Variants in ST18 observed in about 807,000 individuals in gnomAD.
The protein encoded by ST18 is suppression of tumorigenicity 18 protein.
ST18 carries 50 observed loss-of-function variants against 110.0 expected under a neutral mutation model. That is an observed-to-expected ratio of 0.45 (90% CI 0.36 to 0.58). ST18 has a LOEUF of 0.58. Among genes scored for constraint, ST18 ranks in the 20% least tolerant of loss-of-function variants. The pLI is 0.00. For synonymous variants in ST18, 461 were observed against 452.4 expected, an observed-to-expected ratio of 1.02 and a Z score of -0.24; for missense variants, 1,306 against 1,280.1, an observed-to-expected ratio of 1.02 and a Z score of -0.31.
chr8:52,265,635 C>A (rs960249715), intron 2 of ST18, among the ~76,000 whole-genome samples: 1 of 152,108 alleles, frequency 6.6e-6, no homozygotes, highest in African/African-American at 2.4e-5. Flanking sequence ...AGAAATACTT[C>A]TTTTTTGGGA....
At chr8:52,211,239 G>A (rs374729565) in intron 8 of ST18, among the ~76,000 whole-genome samples, 1 of 151,990 alleles carries the variant, frequency 6.6e-6, no homozygotes, top group African/African-American at 2.4e-5. Context: ...CTGTTAAGGT[G>A]GAATTTTCAC....
At chr8:52,350,773 T>A (rs1369147211) in intron 2 of ST18, among the ~76,000 whole-genome samples, 1 of 151,902 alleles carries the variant, frequency 6.6e-6, no homozygotes, top group Non-Finnish European at 1.5e-5. Flanking sequence ...CAGGCTGAAG[T>A]GCAGTGGCCC....
intron 2 of ST18, among the ~76,000 whole-genome samples, chr8:52,238,645 A>T (rs1194121407): frequency 6.6e-6 from 1 of 152,180 alleles, no homozygotes; most frequent in African/African-American, 2.4e-5. Flanking sequence ...ACACATGTGC[A>T]CATACATATA....
Position 52,133,236 on chromosome 8 carries a change from T to TTCTTATTTCTATAAGATCCC in ST18, c.2363+2_2363+3insGGGATCTTATAGAAATAAGA. 1 of 1,614,180 alleles carries TTCTTATTTCTATAAGATCCC rather than the reference T, an allele frequency of 6.2e-7. No homozygotes were observed. Among genetic ancestry groups the TTCTTATTTCTATAAGATCCC allele is most frequent in the South Asian group, 1.1e-5 (1 of 91,080 alleles). ...CACATCTCAGAAATAAGATCAATCC[T>TTCTTATTTCTATAAGATCCC]ACCTTCTGTGGGAAGCATAGTTTCC... On this transcript the variant is annotated splice_region_variant and intron_variant, in intron 20 of 25. Transcript: ENST00000689386.
At chr8:52,394,672 A>G (rs1252131110) in intron 2 of ST18, among the ~76,000 whole-genome samples, 1 of 152,244 alleles carries the variant, frequency 6.6e-6, no homozygotes, top group Non-Finnish European at 1.5e-5. Flanking sequence ...TTTGTATTTC[A>G]TATTTTAATT....
At chr8:52,199,631 T>G (rs1201747837) in intron 8 of ST18, 1 of 152,242 alleles carries the variant, frequency 6.6e-6, no homozygotes, top group African/African-American at 2.4e-5. Flanking sequence ...TATATGATTT[T>G]CTGTTGCTTT....
Position 52,154,056 on chromosome 8 carries a change from G to A in ST18, c.1807-4079C>T, listed in dbSNP as rs113268861. 1.7e-3 allele frequency among the ~76,000 whole-genome samples: 255 copies of A among 152,318 alleles called. 2 individuals are homozygous for A. Among genetic ancestry groups the A allele is most frequent in the African/African-American group, 5.7e-3 (238 of 41,566 alleles). ...GAATACGAAAAGAGACATGTTCTTA[G>A]GTTACTGTGCACAGGGCTAAAAAGC... On this transcript the variant is annotated intron_variant, in intron 15 of 25. Coordinates refer to ENST00000689386, the MANE Select transcript of ST18 (RefSeq NM_001352837.2).
chr8:52,233,594 C>T (rs1052309900), intron 2 of ST18, among the ~76,000 whole-genome samples: 5 of 151,866 alleles, frequency 3.3e-5, no homozygotes, highest in African/African-American at 7.3e-5. Flanking sequence ...ACTAAGTAAG[C>T]GTCTCTGGTT....
intron 2 of ST18, among the ~76,000 whole-genome samples, chr8:52,397,235 T>C (rs1841452373): frequency 6.6e-6 from 1 of 152,216 alleles, no homozygotes; most frequent in Non-Finnish European, 1.5e-5. Flanking sequence ...TGACTAGTAA[T>C]GTTGCACACC....
Position 52,210,483 on chromosome 8 carries a change from C to T in ST18, c.86+1596G>A, listed in dbSNP as rs2081809318. Among the ~76,000 whole-genome samples, 4 of 152,010 alleles carry T rather than the reference C, an allele frequency of 2.6e-5. No homozygotes were observed. The South Asian group carries it at 6.2e-4, about 24-fold the overall frequency. The stretch of plus-strand genomic sequence containing the variant: ...GACCAGCCTAGGCAACATAGCAAGA[C>T]TCTGTCTCTACTAAAAATATAAAAA... On this transcript the variant is annotated intron_variant, in intron 8 of 25. Coordinates refer to ENST00000689386, the MANE Select transcript of ST18 (RefSeq NM_001352837.2).
chr8:52,347,554 A>G (rs1301908762), intron 2 of ST18, among the ~76,000 whole-genome samples: 1 of 152,224 alleles, frequency 6.6e-6, no homozygotes, highest in African/African-American at 2.4e-5. Context: ...GGGATAGAAT[A>G]AAGGTGATTT....
At chr8:52,379,790 A>G (rs1390083643) in intron 2 of ST18, among the ~76,000 whole-genome samples, 7 of 152,162 alleles carry the variant, frequency 4.6e-5, no homozygotes. Context: ...GAGAAATGTA[A>G]ACAAATAGAA....
chr8:52,167,073 C>T (rs2063260225), intron 10 of ST18, 87 bp from the exon 11 acceptor site: 3 of 1,480,652 alleles, frequency 2.0e-6, no homozygotes, highest in Non-Finnish European at 2.7e-6. Context: ...GTGACATTCT[C>T]ACTTTATTCA....
chr8:52,185,960 CA>C, intron 8 of ST18, among the ~76,000 whole-genome samples: 1 of 152,134 alleles, frequency 6.6e-6, no homozygotes, highest in East Asian at 1.9e-4. Flanking sequence ...GAAAAACTTT[CA>C]TTTATCAGAA....
intron 2 of ST18, among the ~76,000 whole-genome samples, chr8:52,401,478 G>A (rs2141098474): frequency 6.6e-6 from 1 of 152,022 alleles, no homozygotes; most frequent in Admixed American, 6.6e-5. Context: ...CACTTAATGA[G>A]TGTCTTATAA....
intron 8 of ST18, among the ~76,000 whole-genome samples, chr8:52,192,153 A>G (rs2074729726): frequency 6.6e-6 from 1 of 152,200 alleles, no homozygotes; most frequent in East Asian, 1.9e-4. Flanking sequence ...AGACTGATGT[A>G]GCTATGCCCA....
chr8:52,207,883 A>G (rs2080669769), intron 8 of ST18, among the ~76,000 whole-genome samples: 1 of 152,254 alleles, frequency 6.6e-6, no homozygotes, highest in African/African-American at 2.4e-5. Flanking sequence ...CAATATTAGT[A>G]GATGCAATAG....
intron 8 of ST18, among the ~76,000 whole-genome samples, chr8:52,202,559 T>A (rs2078381763): frequency 6.6e-6 from 1 of 152,166 alleles, no homozygotes. Context: ...TTCAAAGTAA[T>A]AAGTGTTTTG....
intron 9 of ST18, among the ~76,000 whole-genome samples, chr8:52,179,647 T>G (rs2068533866): frequency 6.6e-6 from 1 of 151,986 alleles, no homozygotes; most frequent in Non-Finnish European, 1.5e-5. Flanking sequence ...CCATACATGT[T>G]GATAAAAAAA....
Sources: gnomAD v4.1 joint callset for allele counts (sites outside exome capture counted in the v4.1 genomes callset) on GRCh38, gnomAD v4.1.1 for gene constraint, MANE v1.5 for transcripts, NCBI Gene and HGNC (gene_info 2026-07-23, HGNC 2026-07-21) for gene names.